The following PFKP variants were observed in gnomAD, a reference collection of about 807,000 sequenced individuals.
PFKP encodes the protein phosphofructokinase, platelet, also known as ATP-dependent 6-phosphofructokinase, platelet type.
In PFKP, 101 loss-of-function variants were observed where a neutral mutation model predicts 94.3. The ratio of observed to expected loss-of-function variants is 1.07; its 90% CI spans 0.91 to 1.26. The LOEUF is 1.26. PFKP is among the 50% of genes most tolerant of loss of function. The pLI, the probability that PFKP is intolerant of heterozygous loss-of-function variation, is 0.00. For missense variants in PFKP, 1,145 were observed against 1,103.3 expected (o/e 1.04, Z -0.53); for synonymous variants, 573 against 432.6 (o/e 1.32, Z -4.03).
chr10:3,122,603 C>A (rs1837539666), intron 16 of PFKP, among the ~76,000 whole-genome samples: 1 of 152,212 alleles, frequency 6.6e-6, no homozygotes. Flanking sequence ...CCGGGTCCCC[C>A]CGGCCACTGT....
At chr10:3,084,130 C>A (rs2131431233) in intron 2 of PFKP, among the ~76,000 whole-genome samples, 1 of 152,290 alleles carries the variant, frequency 6.6e-6, no homozygotes, top group African/African-American at 2.4e-5. Flanking sequence ...TTATTTAATA[C>A]CTTGGTCCTA....
intron 20 of PFKP, among the ~76,000 whole-genome samples, chr10:3,134,812 G>A (rs999295882): frequency 6.6e-6 from 1 of 152,218 alleles, no homozygotes; most frequent in Non-Finnish European, 1.5e-5. Context: ...ACTGCTAGAT[G>A]CAGTCTGCAG....
intron 1 of PFKP, among the ~76,000 whole-genome samples, chr10:3,069,758 A>T (rs756629659): frequency 3.9e-5 from 6 of 152,184 alleles, no homozygotes; most frequent in Non-Finnish European, 7.3e-5. Context: ...TACTGCATGT[A>T]TTGGAAAATA....
At chr10:3,130,038 C>T (rs776638685) in intron 17 of PFKP, 55 bp downstream of exon 17, 253 of 1,461,668 alleles carry the variant, frequency 1.7e-4, no homozygotes, top group South Asian at 2.1e-4. Context: ...CTGGGTGCTG[C>T]GGAGTGAATC....
At chr10:3,094,665 G>A (rs979103011) in intron 2 of PFKP, among the ~76,000 whole-genome samples, 1 of 152,270 alleles carries the variant, frequency 6.6e-6, no homozygotes, top group Admixed American at 6.5e-5. Flanking sequence ...GAAAACCATT[G>A]ACATAGTGAA....
At chr10:3,134,989 T>C (rs1839059734) in intron 20 of PFKP, among the ~76,000 whole-genome samples, 1 of 150,356 alleles carries the variant, frequency 6.7e-6, no homozygotes, top group South Asian at 2.1e-4. Context: ...CTGAATGAAT[T>C]GTTCATGTTT....
At chr10:3,114,712 G>T (rs1170361213) in intron 13 of PFKP, among the ~76,000 whole-genome samples, 1 of 152,258 alleles carries the variant, frequency 6.6e-6, no homozygotes, top group Non-Finnish European at 1.5e-5. Context: ...CCCAGGTGGA[G>T]GGAAAGGATG....
intron 13 of PFKP, among the ~76,000 whole-genome samples, 177 bp downstream of exon 13, chr10:3,113,695 C>T (rs1836502467): frequency 6.7e-6 from 1 of 148,652 alleles, no homozygotes; most frequent in South Asian, 2.2e-4. Context: ...AGGTAGGTTT[C>T]AGGCCCTCAG....
Position 3,101,123 on chromosome 10 carries a change from G to A in PFKP, c.265-242G>A, listed in dbSNP as rs1468647756. ...TGTATTTAACTGCTGGCTGCCGTGT[G>A]TCTGGCTCTGCACCCTCCCTGGCTC... is the stretch of plus-strand genomic sequence containing the variant. On this transcript the variant is annotated intron_variant, in intron 3 of 21. Coordinates refer to ENST00000381125, the MANE Select transcript of PFKP (RefSeq NM_002627.5). 3 of 851,906 alleles carry A rather than the reference G, an allele frequency of 3.5e-6. No individual in the cohort carries two copies. The African/African-American group carries it at 5.0e-5, about 14-fold the overall frequency. 52.8% of individuals were successfully genotyped at this position (851,906 alleles called of 1,614,324 possible).
At chr10:3,074,156 G>A (rs1306598095) in intron 1 of PFKP, among the ~76,000 whole-genome samples, 2 of 152,210 alleles carry the variant, frequency 1.3e-5, no homozygotes, top group African/African-American at 4.8e-5. Context: ...CTGTGTTTCT[G>A]TAATCATTGT....
chr10:3,084,030 T>C (rs1833292680), intron 2 of PFKP, among the ~76,000 whole-genome samples: 1 of 152,236 alleles, frequency 6.6e-6, no homozygotes, highest in Non-Finnish European at 1.5e-5. Flanking sequence ...ATTCCTGTGG[T>C]ATTGCACTAT....
chr10:3,105,564 C>A, intron 7 of PFKP, 63 bp downstream of exon 7: 1 of 1,178,696 alleles, frequency 8.5e-7, no homozygotes, highest in Non-Finnish European at 1.3e-6. Context: ...TAATCAGGAT[C>A]CCAAGTGGGA....
chr10:3,068,059 T>C (rs968254408), intron 1 of PFKP, among the ~76,000 whole-genome samples: 1 of 152,088 alleles, frequency 6.6e-6, no homozygotes, highest in African/African-American at 2.4e-5. Flanking sequence ...AAATGGAACC[T>C]GGCAGAGGGA....
chr10:3,086,883 T>C (rs1386147031), intron 2 of PFKP, among the ~76,000 whole-genome samples: 1 of 152,192 alleles, frequency 6.6e-6, no homozygotes, highest in Admixed American at 6.5e-5. Flanking sequence ...CTCAGACCTG[T>C]GCCTGCTGTC....
In PFKP at chr10:3,103,852, T is replaced by C. The variant is rs778523486; in HGVS notation, c.528T>C (p.Asn176=). 4 of 1,614,024 alleles carry C rather than the reference T, an allele frequency of 2.5e-6. No individual in the cohort carries two copies. The South Asian group carries it at 4.4e-5, about 18-fold the overall frequency. The change falls in exon 5 of 22, where the codon AAT becomes AAC. Residue 176 remains asparagine, a synonymous_variant. Coordinates refer to ENST00000381125, the MANE Select transcript of PFKP (RefSeq NM_002627.5). The part of the protein sequence containing the change: ...NVVGMVGSID[N]DFCGTDMTIG... ...TGGGCATGGTGGGCTCCATCGACAA[T>C]GATTTCTGCGGCACCGACATGACCA...
At position 3,129,919 on chromosome 10, in the gene PFKP, G is replaced by A. The variant is rs199856687; in HGVS notation, c.1784G>A (p.Gly595Glu). ...TGTGGCTACCTGGCCAACATGGGGG[G>A]GCTCGCGGCCGGAGCTGATGCCGCA... Reference protein sequence around the residue: ...GYCGYLANMGGLAAGADAAYI... With the variant: ...GYCGYLANMGELAAGADAAYI... Residue 595 changes from glycine to glutamate, a missense_variant, in exon 17 of 22, where the codon GGG becomes GAG. Coordinates refer to ENST00000381125, the MANE Select transcript of PFKP (RefSeq NM_002627.5). 2.9e-5 allele frequency: 46 copies of A among 1,611,954 alleles called. No individual in the cohort carries two copies. The highest frequency in any genetic ancestry group is 3.9e-5 in the Non-Finnish European group (46 of 1,179,050).
intron 1 of PFKP, among the ~76,000 whole-genome samples, chr10:3,069,719 CAAA>C (rs377663897): frequency 6.8e-6 from 1 of 148,012 alleles, no homozygotes; most frequent in Non-Finnish European, 1.5e-5. Flanking sequence ...TCTGTGTCTA[CAAA>C]AAAAAAGAAA....
chr10:3,100,827 T>C (rs895427817), intron 3 of PFKP: 23 of 653,566 alleles, frequency 3.5e-5, no homozygotes, highest in Non-Finnish European at 5.5e-5. Context: ...ATCCTGAAGA[T>C]ATAGCTCTTT....
chr10:3,097,061 C>T (rs1338107091), intron 2 of PFKP, among the ~76,000 whole-genome samples: 2 of 83,752 alleles, frequency 2.4e-5, no homozygotes, highest in Non-Finnish European at 4.9e-5. Flanking sequence ...CTGGGTGACA[C>T]AGCGAGACTC....
Sources: allele counts gnomAD v4.1 joint callset (sites outside exome capture counted in the v4.1 genomes callset), GRCh38; gene constraint gnomAD v4.1.1; transcripts MANE v1.5; gene names NCBI Gene and HGNC (gene_info 2026-07-23, HGNC 2026-07-21).